TDRD10: variants seen among roughly 807,000 people sequenced by gnomAD.
The protein encoded by TDRD10 is tudor domain-containing protein 10.
TDRD10 carries 40 observed loss-of-function variants against 48.0 expected under a neutral mutation model. The observed-to-expected ratio is 0.83, with a 90% CI of 0.65 to 1.09. TDRD10 has a LOEUF of 1.09. Ranked by LOEUF, TDRD10 falls within the 50% of genes least tolerant of loss-of-function variation. The pLI, the probability that TDRD10 is intolerant of heterozygous loss-of-function variation, is 0.00. For synonymous variants in TDRD10, 162 were observed against 170.4 expected, an observed-to-expected ratio of 0.95 and a Z score of 0.38; for missense variants, 378 against 434.7, an observed-to-expected ratio of 0.87 and a Z score of 1.16.
At chr1:154,542,652 A>C in intron 7 of TDRD10, 79 bp from the exon 8 acceptor site, 20 of 1,093,110 alleles carry the variant, frequency 1.8e-5, no homozygotes, top group Non-Finnish European at 2.6e-5. Flanking sequence ...GGGCAGGGCC[A>C]AGGCCTCTTG....
intron 4 of TDRD10, among the ~76,000 whole-genome samples, chr1:154,514,352 A>T (rs1457596363): frequency 6.6e-6 from 1 of 152,180 alleles, no homozygotes; most frequent in East Asian, 1.9e-4. Flanking sequence ...TCTTAGTTTG[A>T]TAATGGTCTA....
intron 6 of TDRD10, among the ~76,000 whole-genome samples, chr1:154,540,700 C>G (rs1046181031): frequency 2.6e-5 from 4 of 152,002 alleles, no homozygotes; most frequent in Middle Eastern, 3.2e-3. Context: ...ATGATGAGGG[C>G]TGGGGCTGCA....
At chr1:154,544,242 G>T in intron 9 of TDRD10, 130 bp from the exon 10 acceptor site, 9 of 1,544,544 alleles carry the variant, frequency 5.8e-6, no homozygotes, top group South Asian at 1.2e-5. Context: ...GTTCAGTCTC[G>T]TTCTCTCTCC....
chr1:154,514,689 T>C (rs901211554), intron 4 of TDRD10, among the ~76,000 whole-genome samples: 3 of 151,944 alleles, frequency 2.0e-5, no homozygotes, highest in African/African-American at 7.3e-5. Flanking sequence ...GTTTTTTTGT[T>C]TGTTTGTTTG....
At chr1:154,511,519 T>G (rs962063321) in intron 4 of TDRD10, among the ~76,000 whole-genome samples, 6 of 150,362 alleles carry the variant, frequency 4.0e-5, no homozygotes, top group African/African-American at 1.5e-4. Context: ...TAATACTAAA[T>G]AATACAAAAA....
chr1:154,546,139 T>C (rs1487452099), intron 11 of TDRD10, among the ~76,000 whole-genome samples: 1 of 150,464 alleles, frequency 6.6e-6, no homozygotes, highest in African/African-American at 2.5e-5. Context: ...AGTGGCGTGA[T>C]CTCAGCTCAC....
Position 154,547,763 on chromosome 1 carries a change from A to G in TDRD10, c.*53A>G. The G allele has an allele frequency of 6.2e-7, 1 of 1,606,110 alleles. No homozygotes were observed. Among genetic ancestry groups the G allele is most frequent in the Non-Finnish European group, 8.5e-7 (1 of 1,174,430 alleles). ...CCTGTTTGCCACGGATCCAGAGGCC[A>G]CCTGCCCTGTCTTCTCGTACCCCTT... On this transcript the variant is annotated 3_prime_UTR_variant, in exon 13 of 13. Transcript: ENST00000368482.
intron 4 of TDRD10, among the ~76,000 whole-genome samples, chr1:154,511,664 G>A (rs1212660307): frequency 1.3e-5 from 2 of 151,914 alleles, no homozygotes; most frequent in South Asian, 2.1e-4. Context: ...CCTGGCCAAC[G>A]TGGTGAAACC....
At chr1:154,519,041 C>A (rs1693918760) in intron 4 of TDRD10, among the ~76,000 whole-genome samples, 1 of 152,164 alleles carries the variant, frequency 6.6e-6, no homozygotes, top group South Asian at 2.1e-4. Flanking sequence ...ATAGAGACGT[C>A]ATTTAACCTC....
At chr1:154,540,004 A>C (rs1315638234) in intron 6 of TDRD10, among the ~76,000 whole-genome samples, 4 of 152,188 alleles carry the variant, frequency 2.6e-5, no homozygotes, top group Non-Finnish European at 5.9e-5. Flanking sequence ...GAGTAGGCAG[A>C]GAGGTCACTG....
At chr1:154,504,697 T>C (rs1180023809) in intron 1 of TDRD10, among the ~76,000 whole-genome samples, 1 of 152,240 alleles carries the variant, frequency 6.6e-6, no homozygotes, top group Non-Finnish European at 1.5e-5. Flanking sequence ...TAGCAGATCC[T>C]TTGCTCACTT....
At chr1:154,538,483 G>C (rs1035158773) in intron 6 of TDRD10, among the ~76,000 whole-genome samples, 5 of 144,828 alleles carry the variant, frequency 3.5e-5, no homozygotes, top group African/African-American at 5.0e-5. Context: ...CTGGGAGGTA[G>C]AGGTTGCGGT....
chr1:154,511,131 G>T (rs990493803), intron 4 of TDRD10, among the ~76,000 whole-genome samples: 2 of 151,560 alleles, frequency 1.3e-5, no homozygotes, highest in African/African-American at 2.4e-5. Flanking sequence ...TTGAGACAGG[G>T]TCTCATTTTG....
At position 154,544,087 on chromosome 1, in the gene TDRD10, T is replaced by C. The variant is rs1232765673; in HGVS notation, c.628T>C (p.Phe210Leu). The change falls in exon 9 of 13, where the codon TTC (phenylalanine) becomes CTC (leucine). Residue 210 changes from phenylalanine (F) to leucine (L), a missense_variant. Physicochemically the swap from Phe to Leu is conservative, Grantham distance 22 (BLOSUM62 0). Around this residue, in one of 2 missense-constraint regions of TDRD10, gnomAD observed 310 missense variants for 323.6 expected, o/e 0.96. Transcript: ENST00000368482. ...GAGTATCGTCCCGAAGACCCCGTTT[T>C]TCTGGGCTATGCACGTCACTGAGGT... ...VTSIVPKTPF[F>L]WAMHVTEALH... 2.5e-6 allele frequency: 4 copies of C among 1,614,186 alleles called. No homozygotes were observed. The highest frequency in any genetic ancestry group is 1.7e-5 in the Admixed American group (1 of 60,018).
chr1:154,507,894 C>T (rs1693239454), intron 3 of TDRD10, among the ~76,000 whole-genome samples: 1 of 152,188 alleles, frequency 6.6e-6, no homozygotes, highest in Non-Finnish European at 1.5e-5. Flanking sequence ...TTCCCTTCAG[C>T]CTCCCTCCTG....
At chr1:154,506,255 G>C (rs1198969678) in intron 1 of TDRD10, among the ~76,000 whole-genome samples, 1 of 152,162 alleles carries the variant, frequency 6.6e-6, no homozygotes, top group Admixed American at 6.5e-5. Flanking sequence ...GCCTTTTCCA[G>C]CTTCTAGAGG....
At chr1:154,543,656 T>C (rs191779942) in intron 8 of TDRD10, among the ~76,000 whole-genome samples, 236 of 152,264 alleles carry the variant, frequency 1.5e-3, no homozygotes, top group Non-Finnish European at 2.9e-3. Context: ...AATCTACCCA[T>C]TGAGGACTTT....
intron 12 of TDRD10, 90 bp from the exon 13 acceptor site, chr1:154,547,588 T>A (rs1418219238): frequency 6.2e-7 from 1 of 1,614,236 alleles, no homozygotes; most frequent in Non-Finnish European, 8.5e-7. Context: ...TGGCATTCTT[T>A]TAGATCAAAC....
At chr1:154,539,912 G>A (rs1426223341) in intron 6 of TDRD10, among the ~76,000 whole-genome samples, 1 of 152,156 alleles carries the variant, frequency 6.6e-6, no homozygotes, top group Non-Finnish European at 1.5e-5. Flanking sequence ...CCAGCCACTT[G>A]GAAGACCAGA....
Sources: gnomAD v4.1 joint callset for allele counts (sites outside exome capture counted in the v4.1 genomes callset) on GRCh38, gnomAD v4.1.1 for gene constraint, gnomAD v4.1.1 regional missense constraint, MANE v1.5 for transcripts, NCBI Gene and HGNC (gene_info 2026-07-23, HGNC 2026-07-21) for gene names.